COBLL1: variants seen among roughly 807,000 people sequenced by gnomAD.
COBLL1 encodes cordon-bleu WH2 repeat protein like 1, also known as cordon-bleu protein-like 1.
A neutral mutation model predicts 94.8 loss-of-function variants in COBLL1; 50 were observed. The observed-to-expected ratio is 0.53, with a 90% CI of 0.42 to 0.67. The LOEUF (loss-of-function observed/expected upper bound fraction) is 0.67. Ranked by LOEUF, COBLL1 falls within the 30% of genes least tolerant of loss-of-function variation. The pLI is 0.00. For synonymous variants in COBLL1, 448 were observed against 473.8 expected, an observed-to-expected ratio of 0.95 and a Z score of 0.71; for missense variants, 1,362 against 1,348.7, an observed-to-expected ratio of 1.01 and a Z score of -0.15.
intron 2 of COBLL1, among the ~76,000 whole-genome samples, chr2:164,771,187 T>C (rs1688183233): frequency 6.6e-6 from 1 of 152,206 alleles, no homozygotes; most frequent in African/African-American, 2.4e-5. Flanking sequence ...TTTAATGAGA[T>C]ACCTATAATT....
chr2:164,801,759 C>G (rs1270137127), intron 2 of COBLL1, among the ~76,000 whole-genome samples: 1 of 152,102 alleles, frequency 6.6e-6, no homozygotes, highest in Non-Finnish European at 1.5e-5. Flanking sequence ...CTTGTGCTAC[C>G]TCCATTTTAA....
chr2:164,700,477 A>T, intron 10 of COBLL1, 45 bp downstream of exon 10: 1 of 1,185,450 alleles, frequency 8.4e-7, no homozygotes, highest in Non-Finnish European at 1.2e-6. Context: ...GACTAGTATT[A>T]ATTAAACTAA....
intron 2 of COBLL1, among the ~76,000 whole-genome samples, chr2:164,771,236 C>A (rs959241481): frequency 1.4e-4 from 22 of 151,972 alleles, no homozygotes; most frequent in African/African-American, 5.3e-4. Context: ...CGTTGACCAA[C>A]AACCTAAGTT....
intron 2 of COBLL1, among the ~76,000 whole-genome samples, chr2:164,662,813 GC>G (rs978099426): frequency 6.6e-6 from 1 of 152,076 alleles, no homozygotes; most frequent in Non-Finnish European, 1.5e-5. Context: ...TGACATGCCT[GC>G]CCCCATCTTG....
intron 2 of COBLL1, among the ~76,000 whole-genome samples, chr2:164,827,168 C>T (rs1018277124): frequency 6.6e-6 from 1 of 152,024 alleles, no homozygotes; most frequent in South Asian, 2.1e-4. Context: ...AGGCTGGTCT[C>T]GAACTCCTGA....
chr2:164,669,864 A>G (rs1691218138), intron 1 of COBLL1, among the ~76,000 whole-genome samples: 1 of 152,240 alleles, frequency 6.6e-6, no homozygotes, highest in Non-Finnish European at 1.5e-5. Flanking sequence ...ATGATATTAC[A>G]GTATCTGGGA....
rs1018029874 is a variant in COBLL1 at position 164,708,548 on chromosome 2, T to C, written c.997-3443A>G. ...GTTCTAAAACTTTCCCTTGATATCT[T>C]AAGAGTAACACATTTAGGAAACATC... On this transcript the variant is annotated intron_variant, in intron 7 of 13. Coordinates refer to ENST00000652658, the MANE Select transcript of COBLL1 (RefSeq NM_001365672.2). 3.3e-5 allele frequency among the ~76,000 whole-genome samples: 5 copies of C among 152,176 alleles called. No homozygotes were observed. The South Asian group carries it at 6.2e-4, about 19-fold the overall frequency.
intron 2 of COBLL1, among the ~76,000 whole-genome samples, chr2:164,776,354 C>T (rs1688462585): frequency 1.3e-5 from 2 of 152,076 alleles, no homozygotes; most frequent in South Asian, 4.1e-4. Flanking sequence ...CACTTTGTTC[C>T]AGCAACACTG....
At chr2:164,765,426 T>C (rs982966243) in intron 2 of COBLL1, among the ~76,000 whole-genome samples, 2 of 152,164 alleles carry the variant, frequency 1.3e-5, no homozygotes, top group Admixed American at 6.5e-5. Context: ...AGAACCCATA[T>C]AGAATGAGAG....
At chr2:164,686,224 C>T (rs2105406327) in intron 13 of COBLL1, among the ~76,000 whole-genome samples, 192 bp from the exon 14 acceptor site, 1 of 151,064 alleles carries the variant, frequency 6.6e-6, no homozygotes, top group South Asian at 2.2e-4. Context: ...TCGTTATTTT[C>T]ACAACAAATA....
chr2:164,779,138 A>G lies in COBLL1; in HGVS notation c.42-35263T>C, dbSNP rs560303147. Reference sequence around the variant, plus strand: ...GTTGTTGTTTTGTTTTTCCCTATCCAAATTGTTTTTCTTCTATCCAAATTA... The same window carrying G: ...GTTGTTGTTTTGTTTTTCCCTATCCGAATTGTTTTTCTTCTATCCAAATTA... On this transcript the variant is annotated intron_variant, in intron 2 of 13. Transcript: ENST00000652658. 3.9e-5 allele frequency among the ~76,000 whole-genome samples: 6 copies of G among 152,204 alleles called. No individual in the cohort carries two copies. The South Asian group carries it at 1.2e-3, about 32-fold the overall frequency.
At chr2:164,833,946 G>T (rs1337490749) in intron 2 of COBLL1, among the ~76,000 whole-genome samples, 1 of 152,028 alleles carries the variant, frequency 6.6e-6, no homozygotes, top group East Asian at 1.9e-4. Context: ...TTTTCCAAAG[G>T]ATTCATTCCT....
chr2:164,797,131 C>G (rs1683503491), intron 2 of COBLL1, among the ~76,000 whole-genome samples: 1 of 152,146 alleles, frequency 6.6e-6, no homozygotes, highest in African/African-American at 2.4e-5. Flanking sequence ...AGTATTATTT[C>G]TGGGACCTTT....
intron 7 of COBLL1, among the ~76,000 whole-genome samples, chr2:164,713,216 G>A (rs2105476651): frequency 6.6e-6 from 1 of 152,152 alleles, no homozygotes; most frequent in East Asian, 1.9e-4. Context: ...TGATGGCATA[G>A]AAAATCTTAG....
In COBLL1 at chr2:164,683,107, A is replaced by T. The variant is rs1244818349; in HGVS notation, c.*2839T>A. 1 of 151,878 alleles carries T rather than the reference A, an allele frequency of 6.6e-6. No individual in the cohort carries two copies. Among genetic ancestry groups the T allele is most frequent in the East Asian group, 1.9e-4 (1 of 5,190 alleles). 9.4% of individuals were successfully genotyped at this position (151,878 alleles called of 1,614,324 possible). A position where few individuals can be genotyped will look rare whatever the true frequency, so the allele number is the denominator to read the frequency against. The stretch of plus-strand genomic sequence containing the variant: ...ACATCTATATAGGGCTTCATATCAA[A>T]ATATTAACAGCTATCTTTGGAGAGG... On this transcript the variant is annotated 3_prime_UTR_variant, in exon 14 of 14. Coordinates refer to ENST00000652658, the MANE Select transcript of COBLL1 (RefSeq NM_001365672.2).
chr2:164,821,054 A>AT (rs900058956), intron 2 of COBLL1, among the ~76,000 whole-genome samples: 19 of 151,564 alleles, frequency 1.3e-4, no homozygotes, highest in Non-Finnish European at 2.4e-4. Flanking sequence ...TGCCCAGCTA[A>AT]TTTTTTTTAT....
chr2:164,835,999 T>G, intron 2 of COBLL1, among the ~76,000 whole-genome samples: 1 of 152,188 alleles, frequency 6.6e-6, no homozygotes, highest in East Asian at 1.9e-4. Flanking sequence ...CATTTATTAT[T>G]ATATTAACAC....
chr2:164,717,858 C>A (rs1685252883), intron 7 of COBLL1, among the ~76,000 whole-genome samples: 1 of 152,152 alleles, frequency 6.6e-6, no homozygotes, highest in Admixed American at 6.5e-5. Context: ...AGCCATCAAG[C>A]CTGGGCTATA....
Position 164,692,384 on chromosome 2 carries a change from G to A in COBLL1, c.3137C>T (p.Ala1046Val). 6.2e-7 allele frequency: 1 copy of A among 1,602,410 alleles called. No individual in the cohort carries two copies. The highest frequency in any genetic ancestry group is 8.5e-7 in the Non-Finnish European group (1 of 1,175,942). Residue 1046 changes from alanine (A) to valine (V), a missense_variant, in exon 13 of 14, where the codon GCA becomes GTA. Coordinates refer to ENST00000652658, the MANE Select transcript of COBLL1 (RefSeq NM_001365672.2). ...TATTTGGGAATTCTGTTCATTATGTGCAGAGTTATTTTCCTACAAAAATAA... is the reference window on the plus strand; with the variant it reads ...TATTTGGGAATTCTGTTCATTATGTACAGAGTTATTTTCCTACAAAAATAA... ...LGVSDKENNSAHNEQNSQIPT... is the reference protein window; with the variant it reads ...LGVSDKENNSVHNEQNSQIPT...
Sources: gnomAD v4.1 joint callset for allele counts (sites outside exome capture counted in the v4.1 genomes callset) on GRCh38, gnomAD v4.1.1 for gene constraint, MANE v1.5 for transcripts, NCBI Gene and HGNC (gene_info 2026-07-23, HGNC 2026-07-21) for gene names.